A3GALT2: variants seen among roughly 807,000 people sequenced by gnomAD.
The protein encoded by A3GALT2 is alpha 1,3-galactosyltransferase 2.
A neutral mutation model predicts 16.6 loss-of-function variants in A3GALT2; 14 were observed. The observed-to-expected ratio is 0.84, with a 90% CI of 0.56 to 1.32. The LOEUF (loss-of-function observed/expected upper bound fraction) is 1.32. Among genes scored for constraint, A3GALT2 ranks in the 40% most tolerant of loss-of-function variants. The pLI, the probability that A3GALT2 is intolerant of heterozygous loss-of-function variation, is 0.00. For missense variants in A3GALT2, 600 were observed against 490.9 expected, an observed-to-expected ratio of 1.22 and a Z score of -2.10; for synonymous variants, 253 against 218.0, an observed-to-expected ratio of 1.16 and a Z score of -1.42.
Position 33,319,639 on chromosome 1 carries a change from A to C in A3GALT2, c.23+1437T>G, listed in dbSNP as rs186927607. Among the ~76,000 whole-genome samples, 411 of 152,274 alleles carry C rather than the reference A, an allele frequency of 2.7e-3. 1 individual carries two copies. The highest frequency in any genetic ancestry group is 9.5e-3 in the African/African-American group (393 of 41,546). ...CACCTGCGCACGTGGCCTGCACTCCAGCAGCAGGAGAGGAGGCAGCACATG... is the reference window on the plus strand; with the variant it reads ...CACCTGCGCACGTGGCCTGCACTCCCGCAGCAGGAGAGGAGGCAGCACATG... On this transcript the variant is annotated intron_variant, in intron 1 of 4. Coordinates refer to ENST00000442999, the MANE Select transcript of A3GALT2 (RefSeq NM_001080438.1).
At chr1:33,308,269 T>G (rs932604524) in intron 4 of A3GALT2, among the ~76,000 whole-genome samples, 2 of 151,292 alleles carry the variant, frequency 1.3e-5, no homozygotes, top group Non-Finnish European at 2.9e-5. Flanking sequence ...TCCCAGAACT[T>G]GGGTGCTGCC....
In A3GALT2 at chr1:33,306,988, C is replaced by G. The variant is rs867740337; in HGVS notation, c.801G>C (p.Gly267=). Reference sequence around the variant, plus strand: ...GGCCCCCCGCACAGTGCGCCGTCAGCCCGCGCAGCGCCGCCACGCTGCCCC... The same window carrying G: ...GGCCCCCCGCACAGTGCGCCGTCAGGCCGCGCAGCGCCGCCACGCTGCCCC... The part of the protein sequence containing the change: ...VFGGSVAALR[G]LTAHCAGGLD... The change falls in exon 5 of 5, where the codon GGG becomes GGC. Residue 267 remains glycine, a synonymous_variant. Transcript: ENST00000442999. 4.8e-6 allele frequency: 7 copies of G among 1,466,846 alleles called. No homozygotes were observed. In the South Asian group the frequency reaches 5.4e-5, roughly 11 times the overall value. The allele number at this position is 1,466,846 out of a possible 1,614,324, so 90.9% of individuals were successfully genotyped here.
intron 1 of A3GALT2, chr1:33,313,926 C>T (rs1401112212): frequency 6.6e-6 from 1 of 152,212 alleles, no homozygotes; most frequent in Non-Finnish European, 1.5e-5. Flanking sequence ...CAATAGTTCA[C>T]TCAGCTTTAT....
chr1:33,310,296 A>AGAGAGG (rs900584028), intron 4 of A3GALT2, among the ~76,000 whole-genome samples: 2 of 151,744 alleles, frequency 1.3e-5, no homozygotes, highest in African/African-American at 2.4e-5. Flanking sequence ...GACCGTGGAG[A>AGAGAGG]GAGAGGGAGA....
chr1:33,308,925 C>G (rs867791871), intron 4 of A3GALT2, among the ~76,000 whole-genome samples: 130 of 152,010 alleles, frequency 8.6e-4, no homozygotes, highest in African/African-American at 2.9e-3. Context: ...GCCTTCTGCA[C>G]TGTTTGTGTC....
chr1:33,307,212 G>T lies in A3GALT2; in HGVS notation c.577C>A (p.His193Asn), dbSNP rs1396741725. 1.3e-6 allele frequency: 2 copies of T among 1,506,396 alleles called. No homozygotes were observed. Among genetic ancestry groups the T allele is most frequent in the East Asian group, 5.6e-5 (2 of 35,424 alleles). The allele number at this position is 1,506,396 out of a possible 1,614,324, so 93.3% of individuals were successfully genotyped here. ...ALGGLPGREAHFMFCMDVDQH... is the reference protein window; with the variant it reads ...ALGGLPGREANFMFCMDVDQH... ...TCCACGTCCATGCAGAACATGAAGTGCGCCTCGCGGCCCGGCAGCCCGCCC... is the reference window on the plus strand; with the variant it reads ...TCCACGTCCATGCAGAACATGAAGTTCGCCTCGCGGCCCGGCAGCCCGCCC... The change falls in exon 5 of 5, where the codon CAC becomes AAC. Residue 193 changes from histidine to asparagine, a missense_variant. By Grantham distance (68) the His-to-Asn change is moderately conservative. Transcript: ENST00000442999.
At chr1:33,314,087 G>T (rs1458778922) in intron 1 of A3GALT2, 1 of 126,856 alleles carries the variant, frequency 7.9e-6, no homozygotes, top group African/African-American at 3.0e-5. Flanking sequence ...TTTTGAGATG[G>T]AGTCTCGCTC....
intron 4 of A3GALT2, among the ~76,000 whole-genome samples, chr1:33,309,459 C>T (rs1446178286): frequency 1.3e-5 from 2 of 151,954 alleles, no homozygotes; most frequent in Non-Finnish European, 2.9e-5. Context: ...CACGTCCCTC[C>T]CGGATGGGGC....
chr1:33,312,625 G>A (rs12563102), intron 2 of A3GALT2, 35 bp from the exon 3 acceptor site: 506,472 of 1,529,736 alleles, frequency 0.33, 88,844 homozygotes, highest in African/African-American at 0.66. Flanking sequence ...GCAGGCAGCC[G>A]TGAGAAGCAT....
intron 4 of A3GALT2, among the ~76,000 whole-genome samples, chr1:33,310,175 C>T (rs1045974925): frequency 7.2e-5 from 11 of 152,240 alleles, no homozygotes; most frequent in African/African-American, 1.4e-4. Context: ...TGGCGGCGCG[C>T]GCCTGCAATC....
intron 4 of A3GALT2, among the ~76,000 whole-genome samples, chr1:33,308,750 G>GTTTTTTTTTTTT (rs56655319): frequency 9.3e-4 from 43 of 46,082 alleles, no homozygotes; most frequent in African/African-American, 2.8e-3. Flanking sequence ...TGTCAAAGTT[G>GTTTTTTTTTTTT]TTTTTTTTTT....
rs773866594 is a variant in A3GALT2 at position 33,307,431 on chromosome 1, G to A, written c.358C>T (p.Arg120Cys). The change falls in exon 5 of 5, where the codon CGC becomes TGC. Residue 120 changes from arginine to cysteine, a missense_variant. Arg to Cys is a radical substitution (Grantham distance 180, BLOSUM62 -3). Transcript: ENST00000442999. ...TGCTGCTCCGCCGTCTCCAGGAAGCGCTCCAGGTACTTCTCCAGGTATCTA... is the reference window on the plus strand; with the variant it reads ...TGCTGCTCCGCCGTCTCCAGGAAGCACTCCAGGTACTTCTCCAGGTATCTA... ...VGRYLEKYLE[R>C]FLETAEQHFM... 5 of 1,533,612 alleles carry A rather than the reference G, an allele frequency of 3.3e-6. No homozygotes were observed. The Admixed American group carries it at 8.3e-5, about 25-fold the overall frequency.
intron 1 of A3GALT2, 47 bp downstream of exon 1, chr1:33,321,029 A>G (rs373884134): frequency 1.9e-5 from 30 of 1,611,132 alleles, no homozygotes; most frequent in Non-Finnish European, 2.5e-5. Context: ...CTCTTAGCTC[A>G]GCTGTCCCCA....
chr1:33,316,750 G>T (rs1646264071), intron 1 of A3GALT2, among the ~76,000 whole-genome samples: 1 of 152,192 alleles, frequency 6.6e-6, no homozygotes, highest in Non-Finnish European at 1.5e-5. Context: ...GGAGGAAGGG[G>T]GCTGGAGCCC....
At chr1:33,308,747 G>GTTTTTTTTTTT (rs1646216005) in intron 4 of A3GALT2, among the ~76,000 whole-genome samples, 1 of 67,204 alleles carries the variant, frequency 1.5e-5, no homozygotes, top group Non-Finnish European at 2.5e-5. Context: ...TCATGTCAAA[G>GTTTTTTTTTTT]TTGTTTTTTT....
Position 33,320,311 on chromosome 1 carries a change from C to T in A3GALT2, c.23+765G>A, listed in dbSNP as rs937946825. On this transcript the variant is annotated intron_variant, in intron 1 of 4. Transcript: ENST00000442999. This position sits in a 1 kb window ranked among gnomAD's most constrained non-coding sequence, Gnocchi z 4.3. ...GGAAAAGGCTGGAGGGGCTTTCTCC[C>T]CCTCTGTGGCTGTCCCACCCTCTTC... Among the ~76,000 whole-genome samples, 1 of 152,038 alleles carries T rather than the reference C, an allele frequency of 6.6e-6. No individual in the cohort carries two copies. Among genetic ancestry groups the T allele is most frequent in the African/African-American group, 2.4e-5 (1 of 41,446 alleles).
chr1:33,310,717 C>T (rs1328401082), intron 4 of A3GALT2, among the ~76,000 whole-genome samples: 5 of 152,190 alleles, frequency 3.3e-5, no homozygotes, highest in Admixed American at 1.3e-4. Flanking sequence ...GAATCAGAGA[C>T]CTAGGAAATC....
rs1646239090 is a variant in A3GALT2 at position 33,312,531 on chromosome 1, C to T, written c.167G>A (p.Arg56Lys). ...VCPSATMSQL[R>K]DNFTGALRPW... is the part of the protein sequence containing the mutation. Reference sequence around the variant, plus strand: ...ACGCAGGGCACCTGTGAAGTTGTCTCTCAGCTGGGACATTGTGGCCGAAGG... The same window carrying T: ...ACGCAGGGCACCTGTGAAGTTGTCTTTCAGCTGGGACATTGTGGCCGAAGG... Residue 56 changes from arginine to lysine, a missense_variant, in exon 3 of 5, where the codon AGA becomes AAA. Coordinates refer to ENST00000442999, the MANE Select transcript of A3GALT2 (RefSeq NM_001080438.1). 3 of 1,603,298 alleles carry T rather than the reference C, an allele frequency of 1.9e-6. No homozygotes were observed. Among genetic ancestry groups the T allele is most frequent in the Non-Finnish European group, 2.6e-6 (3 of 1,174,404 alleles).
chr1:33,308,509 G>C (rs559294099), intron 4 of A3GALT2, among the ~76,000 whole-genome samples: 1 of 152,102 alleles, frequency 6.6e-6, no homozygotes, highest in South Asian at 2.1e-4. Context: ...GGCTTCAAGC[G>C]ATTCTCCTGC....
Sources: allele counts gnomAD v4.1 joint callset (sites outside exome capture counted in the v4.1 genomes callset), GRCh38; gene constraint gnomAD v4.1.1; non-coding constraint Gnocchi (gnomAD v3.1); transcripts MANE v1.5; gene names NCBI Gene and HGNC (gene_info 2026-07-23, HGNC 2026-07-21).